The following TBC1D12 variants were observed in gnomAD, a reference collection of about 807,000 sequenced individuals.
TBC1D12 encodes TBC1 domain family member 12, also known as TBC1 domain family, member 12.
Under a neutral mutation model 86.7 loss-of-function variants are expected in TBC1D12, and 56 were observed. The ratio of observed to expected loss-of-function variants is 0.65; its 90% CI spans 0.52 to 0.81. The LOEUF is 0.81. Among genes scored for constraint, TBC1D12 ranks in the 30% least tolerant of loss-of-function variants. The probability of loss-of-function intolerance (pLI) is 0.00; values close to 1 mark genes in which losing one functional copy is unlikely to be tolerated. For synonymous variants in TBC1D12, 421 were observed against 411.7 expected (o/e 1.02, Z -0.27); for missense variants, 1,023 against 1,038.8 (o/e 0.98, Z 0.21).
At chr10:94,501,083 T>TGAAC (rs1391041039) in intron 6 of TBC1D12, among the ~76,000 whole-genome samples, 2 of 141,498 alleles carry the variant, frequency 1.4e-5, no homozygotes, top group African/African-American at 5.2e-5. Context: ...AATGAATGAA[T>TGAAC]GAATGAATGA....
chr10:94,431,166 G>A (rs1390231133), intron 1 of TBC1D12, among the ~76,000 whole-genome samples: 1 of 152,106 alleles, frequency 6.6e-6, no homozygotes, highest in Non-Finnish European at 1.5e-5. Flanking sequence ...TGTAATCCCA[G>A]CACTTTGGGA....
intron 2 of TBC1D12, among the ~76,000 whole-genome samples, chr10:94,450,189 C>T (rs1021790582): frequency 4.6e-5 from 7 of 152,030 alleles, no homozygotes; most frequent in African/African-American, 1.4e-4. Flanking sequence ...TCTATATCTA[C>T]ATCCTAGCCT....
rs571865867 is a variant in TBC1D12 at position 94,441,906 on chromosome 10, C to G, written c.982C>G (p.Pro328Ala). The G allele has an allele frequency of 1.2e-6, 2 of 1,609,664 alleles. No individual in the cohort carries two copies. The highest frequency in any genetic ancestry group is 1.3e-5 in the African/African-American group (1 of 74,812). The change falls in exon 2 of 13, where the codon CCA (proline) becomes GCA (alanine). Residue 328 changes from proline to alanine, a missense_variant. Around this residue, in one of 2 missense-constraint regions of TBC1D12, gnomAD observed 628 missense variants for 531.1 expected, o/e 1.18. Coordinates refer to ENST00000225235, the MANE Select transcript of TBC1D12 (RefSeq NM_015188.2). ...TTTTCTGTGTTTCAGAAACCTTTTTCCAAAAAGGACAAAGGAACTCAAATC... is the reference window on the plus strand; with the variant it reads ...TTTTCTGTGTTTCAGAAACCTTTTTGCAAAAAGGACAAAGGAACTCAAATC... ...FADFFTRNLF[P>A]KRTKELKSVV...
intron 2 of TBC1D12, 54 bp from the exon 3 acceptor site, chr10:94,474,614 G>A (rs1397212464): frequency 7.7e-7 from 1 of 1,293,466 alleles, no homozygotes; most frequent in East Asian, 2.3e-5. Context: ...AGATTTAATA[G>A]TACAAACTAT....
At position 94,483,900 on chromosome 10, in the gene TBC1D12, T is replaced by G. The variant is rs551695222; in HGVS notation, c.1211+9117T>G. Among the ~76,000 whole-genome samples, 3 of 152,318 alleles carry G rather than the reference T, an allele frequency of 2.0e-5. No homozygotes were observed. In the South Asian group the frequency reaches 6.2e-4, roughly 32 times the overall value. ...TTCCCCAGTGTTTTCTTCTGGTAGT[T>G]TCATAGTTTGAGATCTTACAGTTAA... On this transcript the variant is annotated intron_variant, in intron 3 of 12. Coordinates refer to ENST00000225235, the MANE Select transcript of TBC1D12 (RefSeq NM_015188.2).
intron 1 of TBC1D12, among the ~76,000 whole-genome samples, chr10:94,422,575 T>TAAAA (rs2055090353): frequency 2.0e-5 from 3 of 151,988 alleles, no homozygotes; most frequent in African/African-American, 7.2e-5. Context: ...CAGGAAACAG[T>TAAAA]TTGTTTATTA....
At chr10:94,428,285 T>C (rs928505153) in intron 1 of TBC1D12, among the ~76,000 whole-genome samples, 15 of 147,630 alleles carry the variant, frequency 1.0e-4, no homozygotes, top group East Asian at 3.9e-4. Flanking sequence ...GGAACTTCTT[T>C]TTTTTTTTTT....
chr10:94,446,042 C>T (rs1037007055), intron 2 of TBC1D12, among the ~76,000 whole-genome samples: 1 of 152,098 alleles, frequency 6.6e-6, no homozygotes, highest in Admixed American at 6.6e-5. Flanking sequence ...CCTCTACTCC[C>T]TATTTGTCTA....
chr10:94,517,276 G>A (rs569319626), intron 9 of TBC1D12, among the ~76,000 whole-genome samples: 98 of 152,214 alleles, frequency 6.4e-4, no homozygotes, highest in Non-Finnish European at 1.3e-3. Flanking sequence ...TACTCAGGAG[G>A]CTGAGCCACG....
At chr10:94,496,269 T>A (rs2056320056) in intron 4 of TBC1D12, among the ~76,000 whole-genome samples, 1 of 152,120 alleles carries the variant, frequency 6.6e-6, no homozygotes, top group South Asian at 2.1e-4. Flanking sequence ...TGACTCACTT[T>A]CGTCTGTATT....
rs549410143 is a variant in TBC1D12 at position 94,475,671 on chromosome 10, A to G, written c.1211+888A>G. Among the ~76,000 whole-genome samples, 268 of 152,262 alleles carry G rather than the reference A, an allele frequency of 1.8e-3. 1 individual carries two copies. Among genetic ancestry groups the G allele is most frequent in the African/African-American group, 6.2e-3 (259 of 41,566 alleles). On this transcript the variant is annotated intron_variant, in intron 3 of 12. Transcript: ENST00000225235. ...GGCTGGTCTTGAATTCTTGACCTCA[A>G]GTGGTCCACCCATCTCAGCCTCCCA...
In TBC1D12 at chr10:94,446,579, TG is replaced by T. The variant is rs540552886; in HGVS notation, c.1095+4564del. Among the ~76,000 whole-genome samples, 605 of 152,198 alleles carry T rather than the reference TG, an allele frequency of 4.0e-3. 4 individuals carry two copies. The highest frequency in any genetic ancestry group is 6.8e-3 in the Non-Finnish European group (462 of 68,004). ...TGAAAAAAAATTTTTTTTTGGAATG[TG>T]GGGCTCACTATGTTGCCCAGGCTGG... On this transcript the variant is annotated intron_variant, in intron 2 of 12. Coordinates refer to ENST00000225235, the MANE Select transcript of TBC1D12 (RefSeq NM_015188.2).
At chr10:94,515,270 T>C (rs1165142764) in intron 9 of TBC1D12, among the ~76,000 whole-genome samples, 1 of 152,070 alleles carries the variant, frequency 6.6e-6, no homozygotes, top group Non-Finnish European at 1.5e-5. Flanking sequence ...AATAGCCATA[T>C]AAAGCAGTCC....
At chr10:94,454,413 G>C (rs1411365125) in intron 2 of TBC1D12, among the ~76,000 whole-genome samples, 1 of 152,118 alleles carries the variant, frequency 6.6e-6, no homozygotes. Context: ...GTTTCTCCAT[G>C]TTTGTCAGGC....
chr10:94,407,959 A>G (rs1245092685), intron 1 of TBC1D12, among the ~76,000 whole-genome samples: 2 of 152,168 alleles, frequency 1.3e-5, no homozygotes, highest in Non-Finnish European at 1.5e-5. Context: ...GAGTGAGACC[A>G]TGTCTCTTAA....
At chr10:94,504,983 G>C (rs1255046049) in intron 6 of TBC1D12, among the ~76,000 whole-genome samples, 1 of 152,144 alleles carries the variant, frequency 6.6e-6, no homozygotes, top group Non-Finnish European at 1.5e-5. Context: ...TGAGATGCAG[G>C]TCTTCTTAAC....
chr10:94,502,201 G>A (rs936085749), intron 6 of TBC1D12, among the ~76,000 whole-genome samples: 10 of 151,774 alleles, frequency 6.6e-5, no homozygotes, highest in Non-Finnish European at 1.0e-4. Context: ...GCGTGGTGGC[G>A]CATGTCTGTA....
intron 2 of TBC1D12, among the ~76,000 whole-genome samples, chr10:94,449,122 T>A (rs1350776745): frequency 6.6e-6 from 1 of 151,530 alleles, no homozygotes; most frequent in African/African-American, 2.4e-5. Flanking sequence ...TGAGGGGACG[T>A]TTTTTCATTT....
At chr10:94,496,623 T>C (rs1408109063) in intron 4 of TBC1D12, among the ~76,000 whole-genome samples, 1 of 152,192 alleles carries the variant, frequency 6.6e-6, no homozygotes, top group African/African-American at 2.4e-5. Flanking sequence ...TAGAAATATG[T>C]GATAAAGTAA....
Sources: allele counts gnomAD v4.1 joint callset (sites outside exome capture counted in the v4.1 genomes callset), GRCh38; gene constraint gnomAD v4.1.1; regional missense constraint gnomAD v4.1.1; transcripts MANE v1.5; gene names NCBI Gene and HGNC (gene_info 2026-07-23, HGNC 2026-07-21).